The following ESR1 variants were observed in gnomAD, a reference collection of about 807,000 sequenced individuals.
The protein encoded by ESR1 is estrogen receptor 1.
ESR1 carries 12 observed loss-of-function variants against 52.7 expected under a neutral mutation model. The observed-to-expected ratio is 0.23, with a 90% CI of 0.15 to 0.37. The LOEUF (loss-of-function observed/expected upper bound fraction) is 0.37, where lower values mean the gene tolerates loss of function less well. Ranked by LOEUF, ESR1 falls within the 10% of genes least tolerant of loss-of-function variation. The pLI, the probability that ESR1 is intolerant of heterozygous loss-of-function variation, is 1.00. For missense variants in ESR1, 584 were observed against 779.7 expected (o/e 0.75, Z 2.99); for synonymous variants, 305 against 316.8 (o/e 0.96, Z 0.39).
At chr6:151,820,178 G>T (rs1421096445) in intron 1 of ESR1, among the ~76,000 whole-genome samples, 1 of 152,182 alleles carries the variant, frequency 6.6e-6, no homozygotes, top group African/African-American at 2.4e-5. Context: ...AATTTTTTAA[G>T]AATGAGGATT....
chr6:151,739,127 C>G (rs776547223), intron 2 of ESR1, among the ~76,000 whole-genome samples: 9 of 152,156 alleles, frequency 5.9e-5, no homozygotes, highest in Non-Finnish European at 8.8e-5. Flanking sequence ...CTAAGTAGGA[C>G]TGTCTTGTCT....
chr6:152,066,772 G>A (rs2047997536), intron 6 of ESR1, among the ~76,000 whole-genome samples: 1 of 152,142 alleles, frequency 6.6e-6, no homozygotes, highest in Non-Finnish European at 1.5e-5. Flanking sequence ...CATGGACTTT[G>A]TCATCAGAGA....
chr6:152,014,202 T>C (rs960294543), intron 5 of ESR1, among the ~76,000 whole-genome samples: 2 of 152,168 alleles, frequency 1.3e-5, no homozygotes, highest in African/African-American at 2.4e-5. Context: ...CTTTGTAAAT[T>C]ACCCAGTCTC....
Position 151,831,390 on chromosome 6 carries a change from G to A in ESR1, c.453-11207G>A, listed in dbSNP as rs961572810. ...CTTGGGCTGAAGCATTCCTCCCACC[G>A]CAGCCTTCCAGAGCAGTGAGATTAC... is the stretch of plus-strand genomic sequence containing the variant. On this transcript the variant is annotated intron_variant, in intron 1 of 7. Coordinates refer to ENST00000206249, the MANE Select transcript of ESR1 (RefSeq NM_000125.4). Among the ~76,000 whole-genome samples, 17 of 152,054 alleles carry A rather than the reference G, an allele frequency of 1.1e-4. 1 individual carries two copies. The highest frequency in any genetic ancestry group is 1.9e-4 in the East Asian group (1 of 5,188).
At chr6:151,820,362 T>C (rs1780363166) in intron 1 of ESR1, among the ~76,000 whole-genome samples, 1 of 152,208 alleles carries the variant, frequency 6.6e-6, no homozygotes, top group African/African-American at 2.4e-5. Context: ...TAAAGAACAC[T>C]GATAGCTAGT....
rs2152497220 is a variant in ESR1 at position 152,094,633 on chromosome 6, C to T, written c.1553+65C>T. ...AAAACATGCCCCCAAACCTATGTGA[C>T]AGCTGGCCGGGAAGGACTGGTGCCT... On this transcript the variant is annotated intron_variant, in intron 7 of 7. Coordinates refer to ENST00000206249, the MANE Select transcript of ESR1 (RefSeq NM_000125.4). The surrounding 1 kb of genome is among the most constrained non-coding windows in gnomAD (Gnocchi z 4.6). 4.7e-6 allele frequency: 7 copies of T among 1,502,700 alleles called. No homozygotes were observed. Among genetic ancestry groups the T allele is most frequent in the Non-Finnish European group, 5.5e-6 (6 of 1,095,624 alleles). 93.1% of individuals were successfully genotyped at this position (1,502,700 alleles called of 1,614,324 possible). A position where few individuals can be genotyped will look rare whatever the true frequency, so the allele number is the denominator to read the frequency against.
At chr6:151,913,395 A>G (rs1283917849) in intron 3 of ESR1, among the ~76,000 whole-genome samples, 2 of 152,234 alleles carry the variant, frequency 1.3e-5, no homozygotes, top group East Asian at 3.8e-4. Flanking sequence ...GAAAATGATC[A>G]CAAATGACTA....
chr6:151,863,815 A>G (rs1789336180), intron 2 of ESR1, among the ~76,000 whole-genome samples: 1 of 152,202 alleles, frequency 6.6e-6, no homozygotes, highest in Non-Finnish European at 1.5e-5. Flanking sequence ...TGGGGAAAGG[A>G]TTCCCTATTT....
chr6:151,965,140 A>G lies in ESR1; in HGVS notation c.1096+20632A>G, dbSNP rs115697894. Among the ~76,000 whole-genome samples, 146 of 152,222 alleles carry G rather than the reference A, an allele frequency of 9.6e-4. 1 individual carries two copies. Among genetic ancestry groups the G allele is most frequent in the African/African-American group, 3.4e-3 (142 of 41,534 alleles). ...ATGTTCATACACATATACACACATA[A>G]TTTATTTTTACCCAGTTGCGATCAT... On this transcript the variant is annotated intron_variant, in intron 4 of 7. Transcript: ENST00000206249.
upstream of ESR1, among the ~76,000 whole-genome samples, chr6:151,688,899 T>C (rs1778791233): frequency 6.6e-6 from 1 of 152,160 alleles, no homozygotes. Context: ...TCAGAAGACA[T>C]TTGTTGTCAT....
intron 6 of ESR1, among the ~76,000 whole-genome samples, chr6:152,115,720 A>T (rs73781643): frequency 6.6e-6 from 1 of 152,316 alleles, no homozygotes; most frequent in African/African-American, 2.4e-5. Flanking sequence ...TAAAAGAAAA[A>T]TGGAGCACAA....
intron 5 of ESR1, among the ~76,000 whole-genome samples, chr6:152,052,150 G>A (rs1585017051): frequency 6.6e-6 from 1 of 152,182 alleles, no homozygotes; most frequent in Admixed American, 6.5e-5. Context: ...AAAGGAGAGA[G>A]CAAGAGAGAT....
intron 4 of ESR1, among the ~76,000 whole-genome samples, chr6:152,007,153 T>C (rs1430920352): frequency 6.6e-6 from 1 of 151,964 alleles, no homozygotes; most frequent in African/African-American, 2.4e-5. Context: ...CCACACTCAG[T>C]AAAAGAGGGT....
At chr6:151,706,115 A>G (rs1780165298) in intron 2 of ESR1, among the ~76,000 whole-genome samples, 1 of 152,238 alleles carries the variant, frequency 6.6e-6, no homozygotes, top group Non-Finnish European at 1.5e-5. Context: ...AGACACCAGC[A>G]GCTGGAATCA....
intron 3 of ESR1, among the ~76,000 whole-genome samples, chr6:151,918,458 C>T (rs1189053143): frequency 6.6e-6 from 1 of 152,198 alleles, no homozygotes; most frequent in African/African-American, 2.4e-5. Context: ...TGGTGTATCA[C>T]CCCAAAGGAC....
intron 4 of ESR1, among the ~76,000 whole-genome samples, chr6:151,971,037 T>G (rs924331177): frequency 8.5e-5 from 13 of 152,202 alleles, no homozygotes; most frequent in Non-Finnish European, 2.9e-5. Flanking sequence ...ATTTGATTCA[T>G]TTTTGTACTC....
At chr6:151,685,761 A>C (rs1312208542), upstream of ESR1, among the ~76,000 whole-genome samples, 7 of 152,016 alleles carry the variant, frequency 4.6e-5, 1 homozygote, top group Non-Finnish European at 1.0e-4. Context: ...TAGCCCATTT[A>C]TTCTTCTAAT....
At chr6:152,040,390 G>A (rs1383632780) in intron 5 of ESR1, among the ~76,000 whole-genome samples, 1 of 152,122 alleles carries the variant, frequency 6.6e-6, no homozygotes, top group Non-Finnish European at 1.5e-5. Context: ...CCTCTGCTGA[G>A]GTCATCTTTT....
At chr6:151,848,490 A>T (rs1412199462) in intron 2 of ESR1, among the ~76,000 whole-genome samples, 9 of 128,082 alleles carry the variant, frequency 7.0e-5, no homozygotes, top group African/African-American at 2.3e-4. Flanking sequence ...AAAAAAAAAA[A>T]TTTAAAAAAA....
Sources: allele counts gnomAD v4.1 joint callset (sites outside exome capture counted in the v4.1 genomes callset), GRCh38; gene constraint gnomAD v4.1.1; non-coding constraint Gnocchi (gnomAD v3.1); transcripts MANE v1.5; gene names NCBI Gene and HGNC (gene_info 2026-07-23, HGNC 2026-07-21).